INSRR: variants seen among roughly 807,000 people sequenced by gnomAD.
The protein encoded by INSRR is insulin receptor-related protein.
INSRR carries 114 observed loss-of-function variants against 130.0 expected under a neutral mutation model. The observed-to-expected ratio is 0.88, with a 90% confidence interval of 0.75 to 1.02. The LOEUF (loss-of-function observed/expected upper bound fraction) is 1.02. Ranked by LOEUF, INSRR falls within the 50% of genes least tolerant of loss-of-function variation. The pLI is 0.00. For synonymous variants in INSRR, 674 were observed against 705.2 expected (o/e 0.96, Z 0.70); for missense variants, 1,657 against 1,735.2 (o/e 0.95, Z 0.80).
In INSRR at chr1:156,848,906, G is replaced by A; in HGVS notation, c.1571+15C>T. ...CCGGTCCCGCCCCCGCTCCGGCCCC[G>A]CCCCCGGCACTCACGACTCCTTGTA... On this transcript the variant is annotated intron_variant, in intron 7 of 21. Transcript: ENST00000368195. The A allele has an allele frequency of 2.0e-6, 3 of 1,478,948 alleles. No individual in the cohort carries two copies. Among genetic ancestry groups the A allele is most frequent in the Non-Finnish European group, 1.8e-6 (2 of 1,094,178 alleles). The allele number at this position is 1,478,948 out of a possible 1,614,324, so 91.6% of individuals were successfully genotyped here.
At position 156,842,261 on chromosome 1, in the gene INSRR, C is replaced by T; in HGVS notation, c.3248G>A (p.Gly1083Glu). 1 of 1,613,920 alleles carries T rather than the reference C, an allele frequency of 6.2e-7. No homozygotes were observed. Among genetic ancestry groups the T allele is most frequent in the South Asian group, 1.1e-5 (1 of 91,046 alleles). The part of the protein sequence containing the change: ...SLRPEAENNP[G>E]LPQPALGEMI... Reference sequence around the variant, plus strand: ...TTCCCCCAATGCTGGCTGTGGGAGCCCAGGGTTGTTCTAGAGCCAAGATTG... The same window carrying T: ...TTCCCCCAATGCTGGCTGTGGGAGCTCAGGGTTGTTCTAGAGCCAAGATTG... The change falls in exon 19 of 22, where the codon GGG becomes GAG. Residue 1083 changes from glycine to glutamate, a missense_variant. Transcript: ENST00000368195.
Position 156,841,022 on chromosome 1 carries a change from C to G in INSRR, c.3745G>C (p.Glu1249Gln), listed in dbSNP as rs1654759304. The change falls in exon 22 of 22, where the codon GAG (glutamate) becomes CAG (glutamine). Residue 1249 changes from glutamate (E) to glutamine (Q), a missense_variant. Glu to Gln is a conservative substitution (Grantham distance 29). Transcript: ENST00000368195. ...AGGAGGCGGAAGGAGGGCCGCAGCT[C>G]CTCCTGTATGCTGTCCAGAATGTGT... ...FTHILDSIQE[E>Q]LRPSFRLLSF... The G allele has an allele frequency of 1.2e-6, 2 of 1,606,642 alleles. No homozygotes were observed.
At position 156,846,055 on chromosome 1, in the gene INSRR, C is replaced by G. The variant is rs370712248; in HGVS notation, c.1875G>C (p.Trp625Cys). 2.5e-6 allele frequency: 4 copies of G among 1,612,688 alleles called. No homozygotes were observed. The highest frequency in any genetic ancestry group is 3.4e-6 in the Non-Finnish European group (4 of 1,179,460). Residue 625 changes from tryptophan (W) to cysteine (C), a missense_variant, in exon 9 of 22, where the codon TGG becomes TGC. Coordinates refer to ENST00000368195, the MANE Select transcript of INSRR (RefSeq NM_014215.3). The part of the protein sequence containing the change: ...SNSSSHLLVR[W>C]KPPTQRNGNL... Reference sequence around the variant, plus strand: ...TCCCATTGCGCTGGGTCGGTGGCTTCCAGCGCACCAGGAGGTGGGAGGAGG... The same window carrying G: ...TCCCATTGCGCTGGGTCGGTGGCTTGCAGCGCACCAGGAGGTGGGAGGAGG...
At position 156,845,132 on chromosome 1, in the gene INSRR, G is replaced by A; in HGVS notation, c.2381C>T (p.Ala794Val). 2 of 1,611,790 alleles carry A rather than the reference G, an allele frequency of 1.2e-6. No homozygotes were observed. The highest frequency in any genetic ancestry group is 2.2e-5 in the South Asian group (2 of 90,626). The stretch of plus-strand genomic sequence containing the variant: ...GGCGGCGCTGCAGCCCACGGTGTGC[G>A]CCGCGTGGTTGCAGGCATGGATGTC... ...RIDIHACNHA[A>V]HTVGCSAATF... Residue 794 changes from alanine to valine, a missense_variant, in exon 12 of 22, where the codon GCG becomes GTG. Coordinates refer to ENST00000368195, the MANE Select transcript of INSRR (RefSeq NM_014215.3).
chr1:156,842,936 C>G (rs1267297077), intron 17 of INSRR, 68 bp downstream of exon 17: 1 of 1,256,362 alleles, frequency 8.0e-7, no homozygotes. Flanking sequence ...CATCTCTGAC[C>G]CTTTCTTTCT....
chr1:156,844,406 T>C lies in INSRR; in HGVS notation c.2737+56A>G, dbSNP rs1276027391. 5 of 1,588,084 alleles carry C rather than the reference T, an allele frequency of 3.1e-6. No homozygotes were observed. In the East Asian group the frequency reaches 1.1e-4, roughly 36 times the overall value. ...TGCGGGGGAGGGGCCTGTGGTGGGCTGGGGACCAGGTAGGGCTGTTCGGTG... is the reference window on the plus strand; with the variant it reads ...TGCGGGGGAGGGGCCTGTGGTGGGCCGGGGACCAGGTAGGGCTGTTCGGTG... On this transcript the variant is annotated intron_variant, in intron 14 of 21. Coordinates refer to ENST00000368195, the MANE Select transcript of INSRR (RefSeq NM_014215.3).
Position 156,841,406 on chromosome 1 carries a change from C to T in INSRR, c.3650G>A (p.Cys1217Tyr). 7 of 1,613,532 alleles carry T rather than the reference C, an allele frequency of 4.3e-6. No homozygotes were observed. Among genetic ancestry groups the T allele is most frequent in the Non-Finnish European group, 5.9e-6 (7 of 1,179,622 alleles). Residue 1217 changes from cysteine to tyrosine, a missense_variant, in exon 21 of 22, where the codon TGT (cysteine) becomes TAT (tyrosine). Cys to Tyr is a radical substitution (Grantham distance 194). Transcript: ENST00000368195. ...DGGVLEELEG[C>Y]PLQLQELMSR... ...GGAGGTGACTCACAGCTGAAGGGGA[C>T]AGCCCTCCAGCTCCTCCAGGACCCC...
intron 4 of INSRR, 99 bp from the exon 5 acceptor site, chr1:156,851,533 G>C (rs1161984181): frequency 4.4e-6 from 7 of 1,600,092 alleles, no homozygotes; most frequent in Non-Finnish European, 6.0e-6. Flanking sequence ...GGGCCCTCAG[G>C]ACTGGGACCC....
At position 156,848,967 on chromosome 1, in the gene INSRR, G is replaced by A. The variant is rs1316412063; in HGVS notation, c.1525C>T (p.Leu509=). Residue 509 remains leucine (L), a synonymous_variant, in exon 7 of 22, where the codon CTG becomes TTG. Coordinates refer to ENST00000368195, the MANE Select transcript of INSRR (RefSeq NM_014215.3). ...ILLRWERYEP[L]EARDLLSFIV... is the part of the protein sequence containing the mutation. ...AAGCTGAGCAGGTCGCGGGCCTCCA[G>A]TGGCTCATAGCGCTCCCAGCGTAGC... The A allele has an allele frequency of 1.9e-6, 3 of 1,605,840 alleles. No individual in the cohort carries two copies. The African/African-American group carries it at 4.0e-5, about 21-fold the overall frequency.
rs749311435 is a variant in INSRR, at chr1:156,842,203, G to A, written c.3306C>T (p.Gly1102=). 1 of 1,614,072 alleles carries A rather than the reference G, an allele frequency of 6.2e-7. No individual in the cohort carries two copies. Among genetic ancestry groups the A allele is most frequent in the Non-Finnish European group, 8.5e-7 (1 of 1,179,998 alleles). Reference sequence around the variant, plus strand: ...ACTTGTTGGCAGCAAGGTAGGCCATGCCGTCTGCAATCTCACCAGCCATTT... The same window carrying A: ...ACTTGTTGGCAGCAAGGTAGGCCATACCGTCTGCAATCTCACCAGCCATTT... The part of the protein sequence containing the change: ...MIQMAGEIAD[G]MAYLAANKFV... The change falls in exon 19 of 22, where the codon GGC becomes GGT. Residue 1102 remains glycine (G), a synonymous_variant. Transcript: ENST00000368195.
rs1655214686 is a variant in INSRR at position 156,851,671 on chromosome 1, G to C, written c.1059C>G (p.Ser353Arg). The change falls in exon 4 of 22, where the codon AGC (serine) becomes AGG (arginine). Residue 353 changes from serine (S) to arginine (R), a missense_variant. By Grantham distance (110) the Ser-to-Arg change is moderately radical. Transcript: ENST00000368195. ...AGCCCTGGCGAAGGTTGAGGATGAG[G>C]CTTCCCTCCACATGCGTGCAGCCCA... ...DLVGCTHVEG[S>R]LILNLRQGYN... The C allele has an allele frequency of 6.2e-7, 1 of 1,614,076 alleles. No individual in the cohort carries two copies. Among genetic ancestry groups the C allele is most frequent in the Non-Finnish European group, 8.5e-7 (1 of 1,180,026 alleles).
intron 5 of INSRR, among the ~76,000 whole-genome samples, chr1:156,849,789 G>A (rs1049315252): frequency 1.3e-5 from 2 of 152,110 alleles, no homozygotes; most frequent in African/African-American, 2.4e-5. Flanking sequence ...GGAGACACCA[G>A]GAGGAGTAGT....
chr1:156,849,486 CTG>C (rs764664960), intron 5 of INSRR, 26 bp from the exon 6 acceptor site: 134 of 613,520 alleles, frequency 2.2e-4, no homozygotes, highest in Non-Finnish European at 3.4e-4. Context: ...GGACCTTGCT[CTG>C]CGGGGAGGTG....
At chr1:156,851,486 G>C (rs755469151) in intron 4 of INSRR, 52 bp from the exon 5 acceptor site, 5 of 1,611,168 alleles carry the variant, frequency 3.1e-6, no homozygotes, top group Non-Finnish European at 4.2e-6. Flanking sequence ...TGATGGGTCT[G>C]TGGGGCAAGG....
Position 156,858,962 on chromosome 1 carries a change from C to T in INSRR, c.-341G>A. 2 of 285,018 alleles carry T rather than the reference C, an allele frequency of 7.0e-6. No individual in the cohort carries two copies. The highest frequency in any genetic ancestry group is 1.4e-4 in the East Asian group (2 of 13,914). 17.7% of individuals were successfully genotyped at this position (285,018 alleles called of 1,614,324 possible). On this transcript the variant is annotated 5_prime_UTR_variant, in exon 1 of 22. Transcript: ENST00000368195. Reference sequence around the variant, plus strand: ...AGCAAAAGGCAGGCCGAGAGGCCAGCCAACCCTGAGGGCGGAGCAGCAGGC... The same window carrying T: ...AGCAAAAGGCAGGCCGAGAGGCCAGTCAACCCTGAGGGCGGAGCAGCAGGC...
Position 156,849,278 on chromosome 1 carries a change from A to T in INSRR, c.1412T>A (p.Ile471Asn), listed in dbSNP as rs1045454715. 6.2e-7 allele frequency: 1 copy of T among 1,613,652 alleles called. No individual in the cohort carries two copies. Among genetic ancestry groups the T allele is most frequent in the Non-Finnish European group, 8.5e-7 (1 of 1,179,958 alleles). ...GTRGRQNKAE[I>N]NPRTNGDRAA... ...GCGGTCTCCGTTGGTGCGGGGGTTG[A>T]TCTCAGCCTTGTTCTGCCGACCTCG... The change falls in exon 6 of 22, where the codon ATC (isoleucine) becomes AAC (asparagine). Residue 471 changes from isoleucine (I) to asparagine (N), a missense_variant. Physicochemically the swap from Ile to Asn is moderately radical, Grantham distance 149. Transcript: ENST00000368195.
In INSRR at chr1:156,842,127, T is replaced by C. The variant is rs759794005; in HGVS notation, c.3382A>G (p.Thr1128Ala). 6.2e-7 allele frequency: 1 copy of C among 1,613,974 alleles called. No homozygotes were observed. Among genetic ancestry groups the C allele is most frequent in the East Asian group, 2.2e-5 (1 of 44,854 alleles). The change falls in exon 19 of 22, where the codon ACC becomes GCC. Residue 1128 changes from threonine to alanine, a missense_variant. Physicochemically the swap from Thr to Ala is moderately conservative, Grantham distance 58 (BLOSUM62 0). Coordinates refer to ENST00000368195, the MANE Select transcript of INSRR (RefSeq NM_014215.3). ...CCCTCTGTACCCCCGATCTTGACGG[T>C]GAAGTCCTGGGACACCATGCAGTTG... Reference protein sequence around the residue: ...ARNCMVSQDFTVKIGDFGMTR... With the variant: ...ARNCMVSQDFAVKIGDFGMTR...
chr1:156,842,471 G>GT lies in INSRR; in HGVS notation c.3163dup (p.Thr1055AsnfsTer23). 6.2e-7 allele frequency: 1 copy of GT among 1,614,122 alleles called. No homozygotes were observed. On this transcript the variant is annotated frameshift_variant, in exon 18 of 22. Coordinates refer to ENST00000368195, the MANE Select transcript of INSRR (RefSeq NM_014215.3). LOFTEE classifies it high-confidence loss of function. ...GGTCATTAACTCCATGATGACCAGA[G>GT]TTGGCTGGCCCTGAGATACCACACC...
In INSRR at chr1:156,844,808, C is replaced by A. The variant is rs2102857205; in HGVS notation, c.2473G>T (p.Glu825Ter). Reference protein sequence around the residue: ...ADGIPGKVAWEASSKNSVLLR... With the variant: ...ADGIPGKVAW Reference sequence around the variant, plus strand: ...AGGACACTGTTCTTGCTGGAGGCCTCCCAGGCCACCTTTCCTGGAATACCA... The same window carrying A: ...AGGACACTGTTCTTGCTGGAGGCCTACCAGGCCACCTTTCCTGGAATACCA... Residue 825 changes from glutamate to a stop codon, truncating the protein, a stop_gained, in exon 13 of 22, where the codon GAG becomes TAG. Coordinates refer to ENST00000368195, the MANE Select transcript of INSRR (RefSeq NM_014215.3). LOFTEE classifies it high-confidence loss of function. The A allele has an allele frequency of 1.2e-6, 2 of 1,614,112 alleles. No homozygotes were observed. The highest frequency in any genetic ancestry group is 4.5e-5 in the East Asian group (2 of 44,856).
Sources: gnomAD v4.1 joint callset for allele counts (sites outside exome capture counted in the v4.1 genomes callset) on GRCh38, gnomAD v4.1.1 for gene constraint, MANE v1.5 for transcripts, NCBI Gene and HGNC (gene_info 2026-07-23, HGNC 2026-07-21) for gene names.